The following RBFOX1 variants were observed in gnomAD, a reference collection of about 807,000 sequenced individuals.
RBFOX1 encodes the protein RNA binding protein fox-1 homolog 1.
In RBFOX1, 8 loss-of-function variants were observed where a neutral mutation model predicts 57.7. The ratio of observed to expected loss-of-function variants is 0.14; its 90% CI spans 0.08 to 0.25. RBFOX1 has a LOEUF of 0.25. RBFOX1 is among the 10% of genes least tolerant of loss of function. The pLI, the probability that RBFOX1 is intolerant of heterozygous loss-of-function variation, is 1.00. For missense variants in RBFOX1, 611 were observed against 548.5 expected (o/e 1.11, Z -1.14); for synonymous variants, 326 against 222.4 (o/e 1.47, Z -4.15).
At chr16:6,535,025 C>A (rs955477936) in intron 2 of RBFOX1, among the ~76,000 whole-genome samples, 27 of 152,184 alleles carry the variant, frequency 1.8e-4, no homozygotes, top group Non-Finnish European at 7.3e-5. Context: ...ATTCATGACA[C>A]AGGTCTGCTA....
intron 3 of RBFOX1, among the ~76,000 whole-genome samples, chr16:6,873,645 T>C (rs1567661730): frequency 6.6e-6 from 1 of 152,200 alleles, no homozygotes; most frequent in East Asian, 1.9e-4. Context: ...GCCATGAGAT[T>C]CTCTGCATTC....
intron 4 of RBFOX1, among the ~76,000 whole-genome samples, chr16:7,500,803 A>C (rs2070520904): frequency 6.6e-6 from 1 of 152,192 alleles, no homozygotes; most frequent in Admixed American, 6.5e-5. Flanking sequence ...GTCCCCACTC[A>C]AATCTCATCT....
intron 3 of RBFOX1, among the ~76,000 whole-genome samples, chr16:5,739,796 C>G (rs1182394771): frequency 6.6e-6 from 1 of 152,250 alleles, no homozygotes; most frequent in Admixed American, 6.5e-5. Flanking sequence ...TTGGGGCCTC[C>G]TCCCCTCTCT....
chr16:6,988,887 T>G (rs2153606595), intron 3 of RBFOX1, among the ~76,000 whole-genome samples: 1 of 152,208 alleles, frequency 6.6e-6, no homozygotes, highest in African/African-American at 2.4e-5. Context: ...TCTCCCTGCC[T>G]TAGCCTCCTA....
chr16:7,088,773 G>C (rs2151063244), intron 4 of RBFOX1, among the ~76,000 whole-genome samples: 1 of 152,304 alleles, frequency 6.6e-6, no homozygotes, highest in South Asian at 2.1e-4. Flanking sequence ...CTTGCTCTGT[G>C]ATTTCAGGTT....
intron 1 of RBFOX1, among the ~76,000 whole-genome samples, chr16:6,050,309 G>T (rs1159037067): frequency 6.6e-6 from 1 of 152,076 alleles, no homozygotes. Context: ...TTGTGTGTTT[G>T]TTTTAACATT....
intron 1 of RBFOX1, among the ~76,000 whole-genome samples, chr16:5,255,505 C>A (rs564308709): frequency 1.3e-5 from 2 of 151,496 alleles, no homozygotes; most frequent in African/African-American, 4.9e-5. Context: ...ACCATCTATC[C>A]ATCTACTTAC....
At chr16:5,553,690 CATAT>C (rs956415058) in intron 2 of RBFOX1, among the ~76,000 whole-genome samples, 1 of 61,198 alleles carries the variant, frequency 1.6e-5, no homozygotes, top group East Asian at 2.1e-4. Flanking sequence ...TGTATATACA[CATAT>C]ATATGTATAT....
intron 1 of RBFOX1, among the ~76,000 whole-genome samples, chr16:5,421,792 A>T (rs1254954265): frequency 6.6e-6 from 1 of 152,230 alleles, no homozygotes; most frequent in Non-Finnish European, 1.5e-5. Context: ...AGATGAGCCT[A>T]AGAAACCCAA....
At chr16:6,543,212 C>T (rs940375672) in intron 2 of RBFOX1, among the ~76,000 whole-genome samples, 5 of 152,166 alleles carry the variant, frequency 3.3e-5, no homozygotes, top group African/African-American at 1.2e-4. Flanking sequence ...ATGCACTAGG[C>T]TTAATGTTTA....
intron 1 of RBFOX1, among the ~76,000 whole-genome samples, chr16:6,149,870 C>G (rs146558793): frequency 1.3e-5 from 2 of 152,324 alleles, no homozygotes; most frequent in African/African-American, 4.8e-5. Context: ...GGTTTGCCAA[C>G]TCTAAATTGC....
rs984797297 is a variant in RBFOX1 at position 6,624,507 on chromosome 16, T to A, written c.-63-30096T>A. ...TAATCTACCTAACAGAACATACCAG[T>A]TTCCACCCACCTTTGTTTTGGTTAG... On this transcript the variant is annotated intron_variant, in intron 2 of 15. Transcript: ENST00000550418. Among the ~76,000 whole-genome samples, 7 of 152,208 alleles carry A rather than the reference T, an allele frequency of 4.6e-5. No homozygotes were observed. In the East Asian group the frequency reaches 1.4e-3, roughly 30 times the overall value.
At chr16:6,716,511 A>G (rs1212493824) in intron 3 of RBFOX1, among the ~76,000 whole-genome samples, 1 of 152,194 alleles carries the variant, frequency 6.6e-6, no homozygotes, top group Non-Finnish European at 1.5e-5. Context: ...AGCAACTAAA[A>G]TCTGTTTGCT....
At chr16:6,215,126 GAGA>G (rs767467238) in intron 1 of RBFOX1, among the ~76,000 whole-genome samples, 6 of 135,020 alleles carry the variant, frequency 4.4e-5, no homozygotes, top group Non-Finnish European at 9.6e-5. Flanking sequence ...GAGGGGAAGA[GAGA>G]AGGAGAAGAG....
chr16:5,938,636 A>G (rs2059216884), intron 4 of RBFOX1, among the ~76,000 whole-genome samples: 1 of 152,084 alleles, frequency 6.6e-6, no homozygotes, highest in Non-Finnish European at 1.5e-5. Context: ...GATGCAACAG[A>G]CCTGACTTTG....
chr16:6,243,201 C>T (rs535170327), intron 1 of RBFOX1, among the ~76,000 whole-genome samples: 1 of 151,622 alleles, frequency 6.6e-6, no homozygotes, highest in South Asian at 2.1e-4. Context: ...AAAGCTTTTT[C>T]ATTTGAAAAC....
chr16:6,281,974 C>T (rs12446403), intron 1 of RBFOX1, among the ~76,000 whole-genome samples: 3,655 of 152,012 alleles, frequency 0.024, 56 homozygotes, highest in Middle Eastern at 0.041. Context: ...GAGACAGAAA[C>T]GGGTGAGCGT....
intron 1 of RBFOX1, among the ~76,000 whole-genome samples, chr16:5,388,174 A>T (rs2066306042): frequency 6.6e-6 from 1 of 152,182 alleles, no homozygotes. Context: ...ACTAATTTGC[A>T]TGAATTTGTG....
At chr16:7,007,305 G>A (rs1320385605) in intron 3 of RBFOX1, among the ~76,000 whole-genome samples, 5 of 152,148 alleles carry the variant, frequency 3.3e-5, no homozygotes, top group South Asian at 2.1e-4. Context: ...GCAATGGTAC[G>A]AATGCATCTC....
Sources: gnomAD v4.1 joint callset for allele counts (sites outside exome capture counted in the v4.1 genomes callset) on GRCh38, gnomAD v4.1.1 for gene constraint, MANE v1.5 for transcripts, NCBI Gene and HGNC (gene_info 2026-07-23, HGNC 2026-07-21) for gene names.